The following NOL4 variants were observed in gnomAD, a reference collection of about 807,000 sequenced individuals.
NOL4 encodes the protein nucleolar protein 4, also known as cancer/testis antigen 125.
A neutral mutation model predicts 75.9 loss-of-function variants in NOL4; 17 were observed. The ratio of observed to expected loss-of-function variants is 0.22; its 90% confidence interval spans 0.15 to 0.34. The LOEUF is 0.34. NOL4 is among the 10% of genes least tolerant of loss of function. NOL4 has a pLI of 1.00. For synonymous variants in NOL4, 292 were observed against 289.9 expected, an observed-to-expected ratio of 1.01 and a Z score of -0.07; for missense variants, 614 against 793.5, an observed-to-expected ratio of 0.77 and a Z score of 2.72.
chr18:33,884,806 T>A (rs1370313732), intron 9 of NOL4, among the ~76,000 whole-genome samples: 1 of 152,126 alleles, frequency 6.6e-6, no homozygotes, highest in African/African-American at 2.4e-5. Flanking sequence ...ATGAAATTAG[T>A]TTGCTCTATT....
chr18:34,084,972 C>T (rs1448170603), intron 5 of NOL4, among the ~76,000 whole-genome samples: 1 of 152,142 alleles, frequency 6.6e-6, no homozygotes, highest in East Asian at 1.9e-4. Flanking sequence ...TAAAGGAACA[C>T]AGCATGGTGT....
intron 1 of NOL4, among the ~76,000 whole-genome samples, chr18:34,140,776 A>T (rs1206726794): frequency 5.3e-5 from 8 of 152,112 alleles, no homozygotes; most frequent in Admixed American, 4.6e-4. Context: ...TCCTAGCATC[A>T]GTGGTCTTTA....
intron 10 of NOL4, among the ~76,000 whole-genome samples, chr18:33,854,365 ATG>A (rs1201883507): frequency 6.6e-6 from 1 of 152,096 alleles, no homozygotes; most frequent in African/African-American, 2.4e-5. Context: ...TCTGAGAGAA[ATG>A]TATTTCCACT....
chr18:34,126,042 A>G (rs898958362), intron 2 of NOL4, among the ~76,000 whole-genome samples: 2 of 152,036 alleles, frequency 1.3e-5, no homozygotes, highest in Non-Finnish European at 2.9e-5. Context: ...GAGCGGGCCT[A>G]GGAAATTAGA....
At position 34,199,750 on chromosome 18, in the gene NOL4, G is replaced by T. The variant is rs547772242; in HGVS notation, c.264+23240C>A. The stretch of plus-strand genomic sequence containing the variant: ...CATTTTTTGTTATGGCATAAGGTTA[G>T]AAAAAACAGTGATATCAGTGAATTC... On this transcript the variant is annotated intron_variant, in intron 1 of 10. Transcript: ENST00000261592. Among the ~76,000 whole-genome samples, 4 of 151,886 alleles carry T rather than the reference G, an allele frequency of 2.6e-5. No homozygotes were observed. The South Asian group carries it at 8.3e-4, about 31-fold the overall frequency.
intron 1 of NOL4, among the ~76,000 whole-genome samples, chr18:34,187,522 G>A (rs1031668681): frequency 1.3e-5 from 2 of 151,772 alleles, no homozygotes; most frequent in Non-Finnish European, 2.9e-5. Context: ...GACTACAGGC[G>A]CCTAGAGGCG....
At chr18:33,899,554 G>A (rs185120060) in intron 9 of NOL4, among the ~76,000 whole-genome samples, 2 of 152,254 alleles carry the variant, frequency 1.3e-5, no homozygotes, top group Admixed American at 1.3e-4. Context: ...TCAGCTGCTG[G>A]AGACTTTTTC....
intron 1 of NOL4, among the ~76,000 whole-genome samples, chr18:34,168,876 TA>T (rs1377757004): frequency 6.6e-6 from 1 of 151,378 alleles, no homozygotes; most frequent in Non-Finnish European, 1.5e-5. Flanking sequence ...AAGGAAACAT[TA>T]AAAAATAAAC....
intron 10 of NOL4, among the ~76,000 whole-genome samples, chr18:33,864,709 C>T (rs1037239846): frequency 2.0e-5 from 3 of 152,018 alleles, no homozygotes; most frequent in Non-Finnish European, 4.4e-5. Context: ...TACCAATTTC[C>T]TATATTAGTC....
At chr18:34,087,303 C>T (rs949597789) in intron 5 of NOL4, among the ~76,000 whole-genome samples, 2 of 152,030 alleles carry the variant, frequency 1.3e-5, no homozygotes, top group Non-Finnish European at 2.9e-5. Flanking sequence ...TGTTAATGTA[C>T]TTATTTATCT....
intron 9 of NOL4, among the ~76,000 whole-genome samples, chr18:33,906,025 C>T (rs1599821823): frequency 6.6e-6 from 1 of 152,320 alleles, no homozygotes; most frequent in East Asian, 1.9e-4. Context: ...AAACTCATCA[C>T]TCCTTTTGTG....
intron 4 of NOL4, among the ~76,000 whole-genome samples, chr18:34,099,895 T>A (rs2078965743): frequency 6.6e-6 from 1 of 152,156 alleles, no homozygotes; most frequent in Non-Finnish European, 1.5e-5. Flanking sequence ...GACATAGAGA[T>A]GAGCAATTAT....
At chr18:34,044,659 T>C (rs577248818) in intron 5 of NOL4, among the ~76,000 whole-genome samples, 9 of 152,298 alleles carry the variant, frequency 5.9e-5, no homozygotes, top group Admixed American at 3.3e-4. Flanking sequence ...AAAACAGACA[T>C]TTGTCAATGA....
At chr18:33,949,526 G>T (rs1405755286) in intron 8 of NOL4, among the ~76,000 whole-genome samples, 1 of 152,058 alleles carries the variant, frequency 6.6e-6, no homozygotes, top group African/African-American at 2.4e-5. Flanking sequence ...GTAGCAAGAA[G>T]TTGTCTAAGA....
At chr18:33,915,156 CT>C (rs2066638993) in intron 9 of NOL4, among the ~76,000 whole-genome samples, 1 of 152,058 alleles carries the variant, frequency 6.6e-6, no homozygotes, top group Non-Finnish European at 1.5e-5. Context: ...ACAAATGCCC[CT>C]GATAGTGCAA....
intron 1 of NOL4, among the ~76,000 whole-genome samples, chr18:34,209,552 T>A (rs1030996537): frequency 2.0e-5 from 3 of 152,234 alleles, no homozygotes; most frequent in East Asian, 3.9e-4. Flanking sequence ...CTCCCTAACA[T>A]CCATTTGCCC....
rs762519855 is a variant in NOL4 at position 33,958,406 on chromosome 18, T to C, written c.1069A>G (p.Ser357Gly). The C allele has an allele frequency of 5.6e-6, 9 of 1,612,702 alleles. No individual in the cohort carries two copies. The highest frequency in any genetic ancestry group is 7.6e-6 in the Non-Finnish European group (9 of 1,179,186). ...TTGCCAGAGTCATAGCTGGAGTAAC[T>C]ATGTGCAGGAGACTGAAAAGAGAAG... ...RENGSKSPAH[S>G]YSSYDSGKNE... Residue 357 changes from serine to glycine, a missense_variant, in exon 7 of 11, where the codon AGT (serine) becomes GGT (glycine). Physicochemically the swap from Ser to Gly is moderately conservative, Grantham distance 56. Around this residue, in one of 9 missense-constraint regions of NOL4, gnomAD observed 196 missense variants for 167.9 expected, o/e 1.17. Transcript: ENST00000261592.
At chr18:34,216,773 T>C (rs958561822) in intron 1 of NOL4, among the ~76,000 whole-genome samples, 1 of 151,818 alleles carries the variant, frequency 6.6e-6, no homozygotes, top group African/African-American at 2.4e-5. Flanking sequence ...AAATTTGTAA[T>C]TGGTAAAATA....
chr18:34,036,525 G>A (rs1342118764), intron 5 of NOL4, among the ~76,000 whole-genome samples: 1 of 152,152 alleles, frequency 6.6e-6, no homozygotes, highest in Non-Finnish European at 1.5e-5. Flanking sequence ...AAGGTTGAAA[G>A]CTTTTTCCTT....
Sources: allele counts gnomAD v4.1 joint callset (sites outside exome capture counted in the v4.1 genomes callset), GRCh38; gene constraint gnomAD v4.1.1; regional missense constraint gnomAD v4.1.1; transcripts MANE v1.5; gene names NCBI Gene and HGNC (gene_info 2026-07-23, HGNC 2026-07-21).